CACNA1C: variants seen among roughly 807,000 people sequenced by gnomAD.
The protein encoded by CACNA1C is calcium voltage-gated channel subunit alpha1 C.
CACNA1C carries 30 observed loss-of-function variants against 229.0 expected under a neutral mutation model. That is an observed-to-expected ratio of 0.13 (90% CI 0.10 to 0.18). The LOEUF is 0.18. CACNA1C is among the 10% of genes least tolerant of loss of function. CACNA1C has a pLI of 1.00. For synonymous variants in CACNA1C, 1,114 were observed against 1,132.5 expected (o/e 0.98, Z 0.33); for missense variants, 1,658 against 2,845.0 (o/e 0.58, Z 9.49).
chr12:2,016,548 G>T (rs1031983325), intron 1 of CACNA1C, among the ~76,000 whole-genome samples: 1 of 152,108 alleles, frequency 6.6e-6, no homozygotes, highest in Non-Finnish European at 1.5e-5. Context: ...TCCTGCCTCA[G>T]CCTCTCGAGT....
intron 3 of CACNA1C, among the ~76,000 whole-genome samples, chr12:2,238,459 G>A (rs1406751020): frequency 6.6e-6 from 1 of 152,188 alleles, no homozygotes; most frequent in African/African-American, 2.4e-5. Context: ...AACAGTAAAA[G>A]GTTTGGGAAT....
intron 1 of CACNA1C, among the ~76,000 whole-genome samples, chr12:2,017,474 T>C (rs935494244): frequency 1.3e-5 from 2 of 152,204 alleles, no homozygotes; most frequent in African/African-American, 4.8e-5. Context: ...AGAACTCAGT[T>C]AGCTTTTACA....
intron 30 of CACNA1C, among the ~76,000 whole-genome samples, chr12:2,640,277 C>T (rs1036339971): frequency 2.6e-5 from 4 of 152,226 alleles, no homozygotes; most frequent in Admixed American, 6.5e-5. Flanking sequence ...TCACAGTGCC[C>T]GCTGGCTAAA....
intron 5 of CACNA1C, among the ~76,000 whole-genome samples, chr12:2,463,632 G>C (rs559093439): frequency 2.3e-4 from 35 of 152,312 alleles, no homozygotes; most frequent in African/African-American, 8.2e-4. Context: ...GAACTTGAAG[G>C]ATGAGTGAGG....
At chr12:2,489,017 G>A in intron 6 of CACNA1C, among the ~76,000 whole-genome samples, 1 of 152,214 alleles carries the variant, frequency 6.6e-6, no homozygotes, top group Non-Finnish European at 1.5e-5. Context: ...TGGAGTAGAA[G>A]ACCAAATACT....
intron 1 of CACNA1C, among the ~76,000 whole-genome samples, chr12:2,082,458 G>A (rs892367024): frequency 3.9e-5 from 6 of 152,186 alleles, no homozygotes; most frequent in African/African-American, 1.4e-4. Context: ...GACTGGGCCG[G>A]CTGTCGCTCC....
Position 2,265,944 on chromosome 12 carries a change from C to T in CACNA1C, c.477+145514C>T, listed in dbSNP as rs761981844. 6.1e-4 allele frequency among the ~76,000 whole-genome samples: 93 copies of T among 152,370 alleles called. 1 individual carries two copies. Among genetic ancestry groups the T allele is most frequent in the Middle Eastern group, 3.4e-3 (1 of 294 alleles). ...TTATCTCAGCATCTCTGCCCCCCTGCGCTCCACGCTCCTATCCATGCAGTA... is the reference window on the plus strand; with the variant it reads ...TTATCTCAGCATCTCTGCCCCCCTGTGCTCCACGCTCCTATCCATGCAGTA... On this transcript the variant is annotated intron_variant, in intron 3 of 46. Transcript: ENST00000399655.
Position 2,566,728 on chromosome 12 carries a change from G to A in CACNA1C, c.1669+146G>A. 4.9e-6 allele frequency: 3 copies of A among 618,414 alleles called. No homozygotes were observed. Among genetic ancestry groups the A allele is most frequent in the Non-Finnish European group, 8.1e-6 (3 of 369,356 alleles). 38.3% of individuals were successfully genotyped at this position (618,414 alleles called of 1,614,324 possible). A position where few individuals can be genotyped will look rare whatever the true frequency, so the allele number is the denominator to read the frequency against. On this transcript the variant is annotated intron_variant, in intron 12 of 46. Transcript: ENST00000399655. The surrounding 1 kb of genome is among the most constrained non-coding windows in gnomAD (Gnocchi z 4.0). Reference sequence around the variant, plus strand: ...GCAGGTGCTGTGCTGGAGACACCAAGGGCCTGGCAGTTCCAAAGCCCCACA... The same window carrying A: ...GCAGGTGCTGTGCTGGAGACACCAAAGGCCTGGCAGTTCCAAAGCCCCACA...
intron 3 of CACNA1C, among the ~76,000 whole-genome samples, chr12:2,227,498 G>A (rs892011567): frequency 6.6e-6 from 1 of 152,178 alleles, no homozygotes; most frequent in Admixed American, 6.5e-5. Context: ...ATCACATAAA[G>A]TACCTGGATG....
chr12:2,162,498 A>G (rs2095932761), intron 3 of CACNA1C, among the ~76,000 whole-genome samples: 1 of 152,082 alleles, frequency 6.6e-6, no homozygotes, highest in South Asian at 2.1e-4. Context: ...AAAAATAAAT[A>G]AAAGAAGGAG....
In CACNA1C at chr12:2,169,565, T is replaced by C. The variant is rs528378383; in HGVS notation, c.477+49135T>C. Among the ~76,000 whole-genome samples the C allele has an allele frequency of 5.9e-5, 9 of 152,304 alleles. No individual in the cohort carries two copies. The South Asian group carries it at 1.9e-3, about 32-fold the overall frequency. ...GGTGTACCTTTCCATAACAGGTCTC[T>C]CTCTTCTGTCATGTTGTGGTCACTG... On this transcript the variant is annotated intron_variant, in intron 3 of 46. Coordinates refer to ENST00000399655, the MANE Select transcript of CACNA1C (RefSeq NM_000719.7).
chr12:2,485,073 G>T (rs868214791), intron 5 of CACNA1C, among the ~76,000 whole-genome samples: 1 of 152,246 alleles, frequency 6.6e-6, no homozygotes, highest in South Asian at 2.1e-4. Context: ...CGCGGTGGAT[G>T]AATGTGAGGG....
At chr12:1,996,655 ACAACAAAC>A (rs1565870643) in intron 1 of CACNA1C, among the ~76,000 whole-genome samples, 5 of 24,916 alleles carry the variant, frequency 2.0e-4, no homozygotes, top group African/African-American at 1.3e-3. Flanking sequence ...AAAAAAAAAA[ACAACAAAC>A]TCTTCTAATG....
chr12:2,206,380 C>T (rs539459534), intron 3 of CACNA1C, among the ~76,000 whole-genome samples: 188 of 152,264 alleles, frequency 1.2e-3, no homozygotes, highest in Middle Eastern at 3.4e-3. Flanking sequence ...GCTTCGGATC[C>T]GAGAGGAGGC....
chr12:2,453,018 T>C (rs1218878147), intron 4 of CACNA1C, among the ~76,000 whole-genome samples: 3 of 152,132 alleles, frequency 2.0e-5, no homozygotes, highest in East Asian at 3.9e-4. Context: ...TAGGAAGCCA[T>C]CAAGTTGCCA....
At chr12:2,073,636 C>T (rs2062132820) in intron 1 of CACNA1C, among the ~76,000 whole-genome samples, 1 of 152,224 alleles carries the variant, frequency 6.6e-6, no homozygotes, top group South Asian at 2.1e-4. Context: ...CAACTATTTA[C>T]ATTTTTGTAT....
intron 32 of CACNA1C, among the ~76,000 whole-genome samples, chr12:2,652,237 C>T (rs951892242): frequency 3.3e-5 from 5 of 152,206 alleles, no homozygotes; most frequent in Admixed American, 6.5e-5. Flanking sequence ...GTCATGTCCT[C>T]GGCCAGAGTC....
chr12:2,035,397 C>T (rs1202131784), intron 1 of CACNA1C, among the ~76,000 whole-genome samples: 1 of 152,244 alleles, frequency 6.6e-6, no homozygotes, highest in Non-Finnish European at 1.5e-5. Flanking sequence ...GAGGGGCAGT[C>T]ATGAGGCTTG....
At position 2,677,324 on chromosome 12, in the gene CACNA1C, C is replaced by A; in HGVS notation, c.4956+103C>A. 7.6e-7 allele frequency: 1 copy of A among 1,321,050 alleles called. No homozygotes were observed. Among genetic ancestry groups the A allele is most frequent in the Non-Finnish European group, 1.0e-6 (1 of 964,990 alleles). The allele number at this position is 1,321,050 out of a possible 1,614,324, so 81.8% of individuals were successfully genotyped here. A position where few individuals can be genotyped will look rare whatever the true frequency, so the allele number is the denominator to read the frequency against. ...CTCCCCAGCAGGCTGGAGGCCAGGT[C>A]CCTGCAGAGGGAACCTTTCAGAGAG... is the stretch of plus-strand genomic sequence containing the variant. On this transcript the variant is annotated intron_variant, in intron 40 of 46. Transcript: ENST00000399655. The surrounding 1 kb of genome is among the most constrained non-coding windows in gnomAD (Gnocchi z 7.4).
Sources: allele counts gnomAD v4.1 joint callset (sites outside exome capture counted in the v4.1 genomes callset), GRCh38; gene constraint gnomAD v4.1.1; non-coding constraint Gnocchi (gnomAD v3.1); transcripts MANE v1.5; gene names NCBI Gene and HGNC (gene_info 2026-07-23, HGNC 2026-07-21).